Variants in PTPRD observed in about 807,000 individuals in gnomAD.
PTPRD encodes the protein protein tyrosine phosphatase receptor type D, also known as receptor-type tyrosine-protein phosphatase delta.
Under a neutral mutation model 214.5 loss-of-function variants are expected in PTPRD, and 34 were observed. The observed-to-expected ratio is 0.16, with a 90% CI of 0.12 to 0.21. PTPRD has a LOEUF of 0.21. PTPRD is among the 10% of genes least tolerant of loss of function. The pLI is 1.00. For synonymous variants in PTPRD, 1,128 were observed against 845.7 expected, an observed-to-expected ratio of 1.33 and a Z score of -5.79; for missense variants, 2,545 against 2,398.7, an observed-to-expected ratio of 1.06 and a Z score of -1.27.
At chr9:10,586,224 A>C (rs2073847592) in intron 2 of PTPRD, among the ~76,000 whole-genome samples, 1 of 152,040 alleles carries the variant, frequency 6.6e-6, no homozygotes, top group Non-Finnish European at 1.5e-5. Flanking sequence ...ACTCAATACG[A>C]GCAAATAATT....
At chr9:10,289,575 G>C (rs1005764039) in intron 3 of PTPRD, among the ~76,000 whole-genome samples, 4 of 152,104 alleles carry the variant, frequency 2.6e-5, no homozygotes, top group African/African-American at 9.7e-5. Flanking sequence ...CCCGCCATTT[G>C]TGCTAATATT....
intron 7 of PTPRD, among the ~76,000 whole-genome samples, chr9:9,649,442 A>C (rs1011655320): frequency 1.1e-4 from 17 of 152,228 alleles, no homozygotes; most frequent in African/African-American, 4.1e-4. Flanking sequence ...TTAATCATAA[A>C]TATATGGAAA....
intron 9 of PTPRD, among the ~76,000 whole-genome samples, chr9:9,275,234 G>A (rs1220201437): frequency 9.4e-6 from 1 of 106,932 alleles, no homozygotes; most frequent in Non-Finnish European, 1.8e-5. Flanking sequence ...AGCATTTCAT[G>A]CTCTTTGAAT....
chr9:8,674,926 T>C (rs890941593), intron 12 of PTPRD, among the ~76,000 whole-genome samples: 2 of 152,216 alleles, frequency 1.3e-5, no homozygotes, highest in African/African-American at 4.8e-5. Context: ...ACTGTAAATC[T>C]AGATACTGTC....
chr9:9,869,192 T>C (rs917339165), intron 5 of PTPRD, among the ~76,000 whole-genome samples: 4 of 152,162 alleles, frequency 2.6e-5, no homozygotes, highest in African/African-American at 9.7e-5. Context: ...TATCTTGACT[T>C]TTCTGAACAA....
intron 3 of PTPRD, among the ~76,000 whole-genome samples, chr9:10,126,264 A>T (rs963311455): frequency 1.3e-5 from 2 of 152,138 alleles, no homozygotes; most frequent in Admixed American, 6.6e-5. Context: ...GTTTTATACG[A>T]CATGGCATTT....
intron 9 of PTPRD, among the ~76,000 whole-genome samples, chr9:9,289,014 C>G (rs10481627): frequency 0.11 from 16,310 of 151,840 alleles, 1,152 homozygotes; most frequent in Non-Finnish European, 0.16. Flanking sequence ...AACCTCTTTT[C>G]TTTATAAATT....
intron 11 of PTPRD, among the ~76,000 whole-genome samples, chr9:8,920,824 T>C (rs1268500360): frequency 1.3e-5 from 2 of 151,590 alleles, no homozygotes; most frequent in Non-Finnish European, 2.9e-5. Flanking sequence ...TATTTATTAT[T>C]TTATTTTGAG....
intron 39 of PTPRD, among the ~76,000 whole-genome samples, chr9:8,375,133 T>C (rs981402783): frequency 1.2e-4 from 18 of 152,116 alleles, no homozygotes; most frequent in African/African-American, 4.1e-4. Context: ...TGAAATTATA[T>C]GCACTATACA....
Position 9,955,625 on chromosome 9 carries a change from G to A in PTPRD, c.-471-17015C>T, listed in dbSNP as rs187927283. On this transcript the variant is annotated intron_variant, in intron 4 of 45. Coordinates refer to ENST00000381196, the MANE Select transcript of PTPRD (RefSeq NM_002839.4). Reference sequence around the variant, plus strand: ...TGCAAGCTCCGCCTCCCAGGTTCACGCCATTCTCCTGCCTCAGCCTCCCAA... The same window carrying A: ...TGCAAGCTCCGCCTCCCAGGTTCACACCATTCTCCTGCCTCAGCCTCCCAA... Among the ~76,000 whole-genome samples, 1,035 of 151,352 alleles carry A rather than the reference G, an allele frequency of 6.8e-3. 11 individuals carry two copies. Among genetic ancestry groups the A allele is most frequent in the Non-Finnish European group, 0.011 (748 of 67,908 alleles).
intron 5 of PTPRD, among the ~76,000 whole-genome samples, chr9:9,909,955 T>C (rs1230240986): frequency 6.6e-6 from 1 of 152,012 alleles, no homozygotes; most frequent in Non-Finnish European, 1.5e-5. Context: ...TGCATACAAA[T>C]GACAAAATCA....
chr9:8,410,982 A>G (rs1308929365), intron 35 of PTPRD, among the ~76,000 whole-genome samples: 1 of 150,208 alleles, frequency 6.7e-6, no homozygotes, highest in Non-Finnish European at 1.5e-5. Flanking sequence ...CTAAAGATGA[A>G]TTAGTTTATT....
At chr9:9,940,333 G>A (rs897111546) in intron 4 of PTPRD, among the ~76,000 whole-genome samples, 3 of 152,058 alleles carry the variant, frequency 2.0e-5, no homozygotes, top group Admixed American at 2.0e-4. Context: ...CTACCTATGG[G>A]ACAAACCTCA....
chr9:9,418,241 C>G (rs1306968392), intron 8 of PTPRD, among the ~76,000 whole-genome samples: 2 of 151,984 alleles, frequency 1.3e-5, no homozygotes, highest in Admixed American at 1.3e-4. Flanking sequence ...CTGAATGGAT[C>G]CATTCACTTC....
intron 3 of PTPRD, among the ~76,000 whole-genome samples, chr9:10,070,312 G>T (rs967241781): frequency 1.3e-5 from 2 of 151,954 alleles, no homozygotes; most frequent in African/African-American, 4.8e-5. Flanking sequence ...AGTATTCAAA[G>T]AAATGACAAA....
At chr9:10,612,258 G>A (rs1484743373) in intron 2 of PTPRD, 140 bp downstream of exon 2, 3 of 148,890 alleles carry the variant, frequency 2.0e-5, no homozygotes, top group African/African-American at 7.4e-5. Flanking sequence ...TTCTCAAATA[G>A]GAGCTACTGA....
At chr9:8,612,215 T>C (rs567493660) in intron 14 of PTPRD, among the ~76,000 whole-genome samples, 14 of 152,256 alleles carry the variant, frequency 9.2e-5, no homozygotes, top group Admixed American at 3.3e-4. Context: ...CTCCTTTTTA[T>C]ACCTAAATAT....
At chr9:9,723,274 T>C (rs2098000819) in intron 7 of PTPRD, among the ~76,000 whole-genome samples, 2 of 152,068 alleles carry the variant, frequency 1.3e-5, no homozygotes, top group Admixed American at 6.6e-5. Context: ...GAATAAAATA[T>C]TACTTTCTCC....
At chr9:8,923,793 C>T (rs901304949) in intron 11 of PTPRD, among the ~76,000 whole-genome samples, 3 of 152,128 alleles carry the variant, frequency 2.0e-5, no homozygotes, top group African/African-American at 7.2e-5. Flanking sequence ...TGTGGCTCTA[C>T]GTGCCAGATG....
Sources: allele counts gnomAD v4.1 joint callset (sites outside exome capture counted in the v4.1 genomes callset), GRCh38; gene constraint gnomAD v4.1.1; transcripts MANE v1.5; gene names NCBI Gene and HGNC (gene_info 2026-07-23, HGNC 2026-07-21).